Variants in TBXAS1 observed in about 807,000 individuals in gnomAD.
The protein encoded by TBXAS1 is thromboxane-A synthase.
Under a neutral mutation model 60.7 loss-of-function variants are expected in TBXAS1, and 48 were observed. That is an observed-to-expected ratio of 0.79 (90% CI 0.63 to 1.01). The LOEUF (loss-of-function observed/expected upper bound fraction) is 1.01, where lower values mean the gene tolerates loss of function less well. Among genes scored for constraint, TBXAS1 ranks in the 50% least tolerant of loss-of-function variants. The pLI is 0.00. For synonymous variants in TBXAS1, 287 were observed against 269.7 expected, an observed-to-expected ratio of 1.06 and a Z score of -0.63; for missense variants, 685 against 686.3, an observed-to-expected ratio of 1.00 and a Z score of 0.02.
chr7:139,909,095 A>G (rs985758522), intron 3 of TBXAS1, among the ~76,000 whole-genome samples: 1 of 152,010 alleles, frequency 6.6e-6, no homozygotes, highest in Non-Finnish European at 1.5e-5. Context: ...TGTTTTCAAG[A>G]TGTTTTTCTT....
At position 139,839,535 on chromosome 7, in the gene TBXAS1, C is replaced by T. The variant is rs144288783; in HGVS notation, c.89+10056C>T. On this transcript the variant is annotated intron_variant, in intron 1 of 12. Transcript: ENST00000448866. ...AAGACCCAGAGGTACATAATCAATT[C>T]GACATCAAAAATAGGAATTCAGGCT... Among the ~76,000 whole-genome samples, 499 of 152,014 alleles carry T rather than the reference C, an allele frequency of 3.3e-3. 3 individuals are homozygous for T. The highest frequency in any genetic ancestry group is 0.011 in the African/African-American group (474 of 41,450).
chr7:139,807,956 C>T (rs189302989), intron 4 of TBXAS1, among the ~76,000 whole-genome samples: 1 of 152,292 alleles, frequency 6.6e-6, no homozygotes, highest in East Asian at 1.9e-4. Flanking sequence ...ACTAACATGA[C>T]TTCATTGAAT....
rs139754206 is a variant in TBXAS1 at position 139,944,757 on chromosome 7, A to G, written c.450+8450A>G. ...CAACAAGTCACCCAAGCTACACACC[A>G]TCAACGTTTGGGGCTTATCTCTGTT... On this transcript the variant is annotated intron_variant, in intron 5 of 12. Coordinates refer to ENST00000448866, the MANE Select transcript of TBXAS1 (RefSeq NM_001061.7). Among the ~76,000 whole-genome samples, 77 of 152,304 alleles carry G rather than the reference A, an allele frequency of 5.1e-4. No homozygotes were observed. In the Middle Eastern group the frequency reaches 0.024, roughly 47 times the overall value.
intron 9 of TBXAS1, among the ~76,000 whole-genome samples, chr7:139,981,118 T>C (rs1811942916): frequency 6.6e-6 from 1 of 152,148 alleles, no homozygotes; most frequent in Admixed American, 6.5e-5. Context: ...TTTGTTATTG[T>C]TATTTTTGAG....
At chr7:139,842,726 T>C (rs1569498582) in intron 1 of TBXAS1, among the ~76,000 whole-genome samples, 2 of 152,230 alleles carry the variant, frequency 1.3e-5, no homozygotes, top group Non-Finnish European at 2.9e-5. Flanking sequence ...ACTCTCTCTG[T>C]TGCTTTCAGC....
intron 1 of TBXAS1, among the ~76,000 whole-genome samples, chr7:139,857,634 T>C (rs942155231): frequency 6.6e-6 from 1 of 152,186 alleles, no homozygotes; most frequent in South Asian, 2.1e-4. Context: ...TGTACCTTCA[T>C]CATTCTTCTT....
chr7:139,913,017 G>A (rs1805659501), intron 4 of TBXAS1: 1 of 678,892 alleles, frequency 1.5e-6, no homozygotes, highest in Admixed American at 2.0e-5. Context: ...TGTCAAGGTT[G>A]AGTGGAGTAA....
chr7:139,890,885 T>C (rs1243700228), intron 3 of TBXAS1, among the ~76,000 whole-genome samples: 3 of 152,054 alleles, frequency 2.0e-5, no homozygotes, highest in Non-Finnish European at 4.4e-5. Context: ...ACCATTCCAA[T>C]TGTGTTTAAT....
At chr7:139,972,701 G>A (rs1293268168) in intron 9 of TBXAS1, among the ~76,000 whole-genome samples, 1 of 151,980 alleles carries the variant, frequency 6.6e-6, no homozygotes, top group Non-Finnish European at 1.5e-5. Flanking sequence ...TTTTCCATTG[G>A]GAGGCCCTGG....
rs549927308 is a variant in TBXAS1, at chr7:139,781,118, C to G, written c.-233+294C>G. Among the ~76,000 whole-genome samples the G allele has an allele frequency of 2.6e-5, 4 of 152,374 alleles. No individual in the cohort carries two copies. In the East Asian group the frequency reaches 5.8e-4, roughly 22 times the overall value. ...AGCCATACAGACAGAGGTCCACCTT[C>G]TCTTCAGACCACCATGACTGAAGCT... On this transcript the variant is annotated intron_variant, in intron 2 of 16. Transcript: ENST00000336425.
At chr7:140,014,971 C>G (rs1475234169) in intron 10 of TBXAS1, among the ~76,000 whole-genome samples, 2 of 151,466 alleles carry the variant, frequency 1.3e-5, no homozygotes, top group East Asian at 3.9e-4. Flanking sequence ...GAGGAGGATG[C>G]AGCAAAAAAC....
intron 1 of TBXAS1, among the ~76,000 whole-genome samples, chr7:139,856,210 C>T (rs538825086): frequency 2.1e-4 from 32 of 152,348 alleles, no homozygotes; most frequent in Admixed American, 2.0e-3. Flanking sequence ...AGGGTTGTGG[C>T]TTCAACCCTT....
intron 1 of TBXAS1, among the ~76,000 whole-genome samples, chr7:139,847,910 C>G (rs1469803063): frequency 6.6e-6 from 1 of 152,192 alleles, no homozygotes; most frequent in Non-Finnish European, 1.5e-5. Flanking sequence ...CAGCCTCAAA[C>G]TTCTGACCTC....
rs1263154686 is a variant in TBXAS1, at chr7:139,778,664, T to C, written c.-318+193T>C. Among the ~76,000 whole-genome samples the C allele has an allele frequency of 6.6e-6, 1 of 150,976 alleles. No individual in the cohort carries two copies. Among genetic ancestry groups the C allele is most frequent in the Non-Finnish European group, 1.5e-5 (1 of 67,698 alleles). On this transcript the variant is annotated intron_variant, in intron 1 of 16. Transcript: ENST00000336425. This position sits in a 1 kb window ranked among gnomAD's most constrained non-coding sequence, Gnocchi z 4.8. ...TCTGGCTTCCACGCCACCCTGATCT[T>C]CTCCTCCTCGCGTCTACACTGTCCC...
At chr7:139,935,074 A>C (rs1807640308) in intron 4 of TBXAS1, among the ~76,000 whole-genome samples, 1 of 152,188 alleles carries the variant, frequency 6.6e-6, no homozygotes, top group African/African-American at 2.4e-5. Context: ...TTGGCCTCCC[A>C]GCGTGCTGGG....
chr7:139,832,888 T>C (rs1292182712), intron 1 of TBXAS1, among the ~76,000 whole-genome samples: 5 of 152,212 alleles, frequency 3.3e-5, no homozygotes, highest in Admixed American at 3.3e-4. Flanking sequence ...AAAGATACAG[T>C]CGTTTTCAGA....
intron 1 of TBXAS1, among the ~76,000 whole-genome samples, chr7:139,839,166 T>G (rs890752315): frequency 6.6e-6 from 1 of 152,176 alleles, no homozygotes; most frequent in African/African-American, 2.4e-5. Flanking sequence ...TGGATTTCTT[T>G]CTGGGATGGG....
intron 4 of TBXAS1, among the ~76,000 whole-genome samples, chr7:139,809,241 A>AGATAGATAGATAGATAGATAGAT (rs1797961748): frequency 2.1e-5 from 1 of 48,616 alleles, no homozygotes; most frequent in African/African-American, 7.1e-5. Flanking sequence ...GATGATAGAT[A>AGATAGATAGATAGATAGATAGAT]GATAGATAGA....
intron 11 of TBXAS1, among the ~76,000 whole-genome samples, chr7:140,017,400 T>C (rs757834): frequency 0.26 from 40,018 of 152,104 alleles, 6,030 homozygotes; most frequent in East Asian, 0.57. Flanking sequence ...TGTGGGCTTA[T>C]TAGCCACACA....
Sources: gnomAD v4.1 joint callset for allele counts (sites outside exome capture counted in the v4.1 genomes callset) on GRCh38, gnomAD v4.1.1 for gene constraint, Gnocchi (gnomAD v3.1) non-coding constraint, MANE v1.5 for transcripts, NCBI Gene and HGNC (gene_info 2026-07-23, HGNC 2026-07-21) for gene names.